TRPM8: variants seen among roughly 807,000 people sequenced by gnomAD.
TRPM8 encodes TRPM8 cationic channel.
Under a neutral mutation model 133.7 loss-of-function variants are expected in TRPM8, and 110 were observed. The ratio of observed to expected loss-of-function variants is 0.82; its 90% CI spans 0.70 to 0.96. The LOEUF (loss-of-function observed/expected upper bound fraction) is 0.96, where lower values mean the gene tolerates loss of function less well. Ranked by LOEUF, TRPM8 falls within the 40% of genes least tolerant of loss-of-function variation. TRPM8 has a pLI of 0.00. For synonymous variants in TRPM8, 535 were observed against 532.3 expected (o/e 1.01, Z -0.07); for missense variants, 1,291 against 1,379.5 (o/e 0.94, Z 1.02).
At chr2:234,003,840 A>G (rs1256170104) in intron 22 of TRPM8, among the ~76,000 whole-genome samples, 3 of 152,172 alleles carry the variant, frequency 2.0e-5, no homozygotes, top group Non-Finnish European at 4.4e-5. Context: ...GAGGGGCTGC[A>G]TGGGATAAAG....
At chr2:233,946,898 G>C (rs1691057295) in intron 7 of TRPM8, among the ~76,000 whole-genome samples, 190 bp from the exon 8 acceptor site, 1 of 152,194 alleles carries the variant, frequency 6.6e-6, no homozygotes, top group Non-Finnish European at 1.5e-5. Flanking sequence ...CCCATGTCAT[G>C]CTATTACTAG....
intron 5 of TRPM8, among the ~76,000 whole-genome samples, chr2:233,940,715 T>A (rs1690885630): frequency 6.6e-6 from 1 of 152,194 alleles, no homozygotes; most frequent in Non-Finnish European, 1.5e-5. Context: ...CCGCTGTACG[T>A]GCATGCAGTA....
intron 3 of TRPM8, among the ~76,000 whole-genome samples, chr2:233,934,801 T>C (rs1216204322): frequency 6.6e-6 from 1 of 152,274 alleles, no homozygotes; most frequent in Non-Finnish European, 1.5e-5. Flanking sequence ...ATCCATCTGC[T>C]TCTGGACTGG....
At position 233,996,392 on chromosome 2, in the gene TRPM8, G is replaced by T. The variant is rs755446023; in HGVS notation, c.3006G>T (p.Val1002=). The part of the protein sequence containing the change: ...QVWKFQRYFL[V]QEYCSRLNIP... ...GGAAGTTCCAGAGGTACTTCCTGGT[G>T]CAGGAGTACTGCAGCCGCCTCAATA... The change falls in exon 22 of 26, where the codon GTG becomes GTT. Residue 1002 remains valine, a synonymous_variant. Coordinates refer to ENST00000324695, the MANE Select transcript of TRPM8 (RefSeq NM_024080.5). 7 of 1,614,188 alleles carry T rather than the reference G, an allele frequency of 4.3e-6. No individual in the cohort carries two copies. The South Asian group carries it at 6.6e-5, about 15-fold the overall frequency.
At chr2:233,937,615 G>A (rs571238576) in intron 4 of TRPM8, 106 bp downstream of exon 4, 693 of 1,295,184 alleles carry the variant, frequency 5.4e-4, no homozygotes, top group Non-Finnish European at 7.1e-4. Context: ...GGAGAGATGG[G>A]TAGTAAACAC....
At chr2:233,947,419 C>T in intron 8 of TRPM8, 1 of 1,468,486 alleles carries the variant, frequency 6.8e-7, no homozygotes, top group Non-Finnish European at 9.1e-7. Context: ...GAAGAGTTGA[C>T]ATTAATTCGG....
Position 233,985,840 on chromosome 2 carries a change from G to T in TRPM8, c.2914G>T (p.Val972Phe). 1.2e-6 allele frequency: 2 copies of T among 1,614,052 alleles called. No homozygotes were observed. The highest frequency in any genetic ancestry group is 1.7e-6 in the Non-Finnish European group (2 of 1,179,992). The change falls in exon 21 of 26, where the codon GTC becomes TTC. Residue 972 changes from valine to phenylalanine, a missense_variant. Physicochemically the swap from Val to Phe is conservative, Grantham distance 50. Transcript: ENST00000324695. ...CATGTTATCCACCAACATCCTGCTGGTCAACCTGCTGGTCGCCATGTTTGG... is the reference window on the plus strand; with the variant it reads ...CATGTTATCCACCAACATCCTGCTGTTCAACCTGCTGGTCGCCATGTTTGG... ...IYMLSTNILLVNLLVAMFGYT... is the reference protein window; with the variant it reads ...IYMLSTNILLFNLLVAMFGYT...
chr2:233,925,740 C>T (rs2125035693), intron 1 of TRPM8, among the ~76,000 whole-genome samples: 1 of 152,162 alleles, frequency 6.6e-6, no homozygotes, highest in South Asian at 2.1e-4. Flanking sequence ...AAGGACAGTG[C>T]TTTCATTTAC....
chr2:233,917,910 A>G (rs1691333715), intron 1 of TRPM8, among the ~76,000 whole-genome samples: 1 of 152,234 alleles, frequency 6.6e-6, no homozygotes, highest in African/African-American at 2.4e-5. Flanking sequence ...TTGATAATGA[A>G]AGGAGCGGGT....
At chr2:234,008,408 A>C (rs1426445355) in intron 24 of TRPM8, among the ~76,000 whole-genome samples, 3 of 152,192 alleles carry the variant, frequency 2.0e-5, no homozygotes, top group Non-Finnish European at 2.9e-5. Flanking sequence ...TAGGGAACAT[A>C]AGGAAGGCTC....
chr2:233,923,124 C>G lies in TRPM8; in HGVS notation c.-5-3409C>G, dbSNP rs559748557. Among the ~76,000 whole-genome samples the G allele has an allele frequency of 5.3e-5, 8 of 152,250 alleles. No individual in the cohort carries two copies. In the East Asian group the frequency reaches 1.2e-3, roughly 22 times the overall value. On this transcript the variant is annotated intron_variant, in intron 1 of 25. Coordinates refer to ENST00000324695, the MANE Select transcript of TRPM8 (RefSeq NM_024080.5). Reference sequence around the variant, plus strand: ...GGCCTCGTGATCCGCCTGCCTCAGCCTCCCAAAGTGCTGAGATTACAGGTG... The same window carrying G: ...GGCCTCGTGATCCGCCTGCCTCAGCGTCCCAAAGTGCTGAGATTACAGGTG...
chr2:233,953,557 T>A (rs1311217716), intron 9 of TRPM8, among the ~76,000 whole-genome samples: 1 of 152,208 alleles, frequency 6.6e-6, no homozygotes, highest in Admixed American at 6.5e-5. Context: ...TGGGCACACT[T>A]GGATGGTGTC....
chr2:233,959,117 C>A (rs1277232710), intron 11 of TRPM8, among the ~76,000 whole-genome samples: 1 of 152,164 alleles, frequency 6.6e-6, no homozygotes, highest in African/African-American at 2.4e-5. Flanking sequence ...CCTCCGCCTC[C>A]CAGGTTCAAG....
rs1164197665 is a variant in TRPM8 at position 233,993,463 on chromosome 2, T to G, written c.2940-2863T>G. Among the ~76,000 whole-genome samples the G allele has an allele frequency of 2.6e-5, 4 of 152,196 alleles. No individual in the cohort carries two copies. In the South Asian group the frequency reaches 8.3e-4, roughly 32 times the overall value. On this transcript the variant is annotated intron_variant, in intron 21 of 25. Coordinates refer to ENST00000324695, the MANE Select transcript of TRPM8 (RefSeq NM_024080.5). ...ACAGACTTTCTCTGTAAGGGCCAGC[T>G]AGGGTCATTGGTCAGATGTGTCAAA...
At chr2:233,944,359 T>C (rs1281954499) in intron 6 of TRPM8, among the ~76,000 whole-genome samples, 1 of 152,210 alleles carries the variant, frequency 6.6e-6, no homozygotes, top group East Asian at 1.9e-4. Context: ...GTTGTATAAT[T>C]ATCCCCACGG....
chr2:233,954,711 G>A lies in TRPM8; in HGVS notation c.1244-421G>A, dbSNP rs569821717. 4.6e-5 allele frequency among the ~76,000 whole-genome samples: 7 copies of A among 152,284 alleles called. No homozygotes were observed. The South Asian group carries it at 1.5e-3, about 32-fold the overall frequency. Reference sequence around the variant, plus strand: ...TATTTATTAAAATGGAATTATATCTGCACAGATACATAGATGCATAAAATA... The same window carrying A: ...TATTTATTAAAATGGAATTATATCTACACAGATACATAGATGCATAAAATA... On this transcript the variant is annotated intron_variant, in intron 10 of 25. Coordinates refer to ENST00000324695, the MANE Select transcript of TRPM8 (RefSeq NM_024080.5).
intron 20 of TRPM8, 113 bp downstream of exon 20, chr2:233,983,337 G>A (rs779725318): frequency 2.5e-6 from 3 of 1,214,982 alleles, no homozygotes; most frequent in Non-Finnish European, 3.6e-6. Flanking sequence ...GTGAAACGGA[G>A]TCCAACATAA....
Position 233,955,206 on chromosome 2 carries a change from G to C in TRPM8, c.1318G>C (p.Asp440His), listed in dbSNP as rs1691262980. Residue 440 changes from aspartate to histidine, a missense_variant, in exon 11 of 26, where the codon GAC becomes CAC. Around this residue, in one of 2 missense-constraint regions of TRPM8, gnomAD observed 963 missense variants for 968.9 expected, o/e 0.99. Coordinates refer to ENST00000324695, the MANE Select transcript of TRPM8 (RefSeq NM_024080.5). ...LKLLLEWNQLDLANDEIFTND... is the reference protein window; with the variant it reads ...LKLLLEWNQLHLANDEIFTND... ...GCTTCTGCTGGAGTGGAACCAGCTG[G>C]ACTTAGCCAATGATGAGATTTTCAC... is the stretch of plus-strand genomic sequence containing the variant. 1 of 1,614,026 alleles carries C rather than the reference G, an allele frequency of 6.2e-7. No individual in the cohort carries two copies. The highest frequency in any genetic ancestry group is 1.7e-5 in the Admixed American group (1 of 60,010).
At chr2:234,004,312 CAG>C (rs1692639345) in intron 22 of TRPM8, among the ~76,000 whole-genome samples, 1 of 152,196 alleles carries the variant, frequency 6.6e-6, no homozygotes, top group South Asian at 2.1e-4. Flanking sequence ...AGTAATGGGA[CAG>C]AGAGAGCCAA....
Sources: allele counts gnomAD v4.1 joint callset (sites outside exome capture counted in the v4.1 genomes callset), GRCh38; gene constraint gnomAD v4.1.1; regional missense constraint gnomAD v4.1.1; transcripts MANE v1.5; gene names NCBI Gene and HGNC (gene_info 2026-07-23, HGNC 2026-07-21).